The following POLR1F variants were observed in gnomAD, a reference collection of about 807,000 sequenced individuals.
The protein encoded by POLR1F is DNA-directed RNA polymerase I subunit RPA43.
Under a neutral mutation model 21.8 loss-of-function variants are expected in POLR1F, and 23 were observed. The observed-to-expected ratio is 1.05, with a 90% CI of 0.76 to 1.49. The LOEUF (loss-of-function observed/expected upper bound fraction) is 1.49. Ranked by LOEUF, POLR1F falls within the 40% of genes most tolerant of loss-of-function variation. The pLI, the probability that POLR1F is intolerant of heterozygous loss-of-function variation, is 0.00. For missense variants in POLR1F, 435 were observed against 412.1 expected, an observed-to-expected ratio of 1.06 and a Z score of -0.48; for synonymous variants, 162 against 152.8, an observed-to-expected ratio of 1.06 and a Z score of -0.45.
At chr7:19,708,612 G>A in intron 1 of POLR1F, 151 bp downstream of exon 1, 2 of 1,052,326 alleles carry the variant, frequency 1.9e-6, no homozygotes, top group Non-Finnish European at 2.8e-6. Context: ...TACTGGCCTT[G>A]AGGGACGGAT....
In POLR1F at chr7:19,697,406, A is replaced by C. The variant is rs1403283250; in HGVS notation, c.*910T>G. 1 of 152,146 alleles carries C rather than the reference A, an allele frequency of 6.6e-6. No individual in the cohort carries two copies. The highest frequency in any genetic ancestry group is 2.4e-5 in the African/African-American group (1 of 41,450). The allele number at this position is 152,146 out of a possible 1,614,324, so 9.4% of individuals were successfully genotyped here. A position where few individuals can be genotyped will look rare whatever the true frequency, so the allele number is the denominator to read the frequency against. The stretch of plus-strand genomic sequence containing the variant: ...TGGCCATGCATTGATTACCAGCTTC[A>C]ACCAGCTTGTCATTTCATTACACTT... On this transcript the variant is annotated 3_prime_UTR_variant, in exon 4 of 4. Coordinates refer to ENST00000222567, the MANE Select transcript of POLR1F (RefSeq NM_001002926.2).
intron 1 of POLR1F, among the ~76,000 whole-genome samples, chr7:19,707,702 CTTTACTA>C (rs1299707164): frequency 6.6e-6 from 1 of 152,172 alleles, no homozygotes; most frequent in Non-Finnish European, 1.5e-5. Context: ...AATTTTAACA[CTTTACTA>C]TTTATTGGCT....
At chr7:19,705,137 C>G (rs1167187210) in intron 1 of POLR1F, among the ~76,000 whole-genome samples, 13 of 152,056 alleles carry the variant, frequency 8.5e-5, no homozygotes, top group Admixed American at 7.2e-4. Flanking sequence ...TCAAACCAGG[C>G]CATTTTCATA....
At chr7:19,698,960 ATTCT>A (rs999697922) in intron 3 of POLR1F, among the ~76,000 whole-genome samples, 2 of 152,124 alleles carry the variant, frequency 1.3e-5, no homozygotes, top group South Asian at 2.1e-4. Context: ...TAAATGTTAA[ATTCT>A]TTCTTTATGA....
At chr7:19,705,745 T>C (rs965092179) in intron 1 of POLR1F, among the ~76,000 whole-genome samples, 6 of 152,194 alleles carry the variant, frequency 3.9e-5, no homozygotes, top group Non-Finnish European at 7.3e-5. Context: ...TAAGGAATTA[T>C]AACTATTAAG....
intron 1 of POLR1F, among the ~76,000 whole-genome samples, chr7:19,708,178 AAAC>A (rs1167262734): frequency 1.3e-5 from 2 of 152,154 alleles, no homozygotes; most frequent in African/African-American, 2.4e-5. Context: ...ATCTTCTTAA[AAAC>A]AACAAAATCC....
At chr7:19,705,435 G>T (rs562824895) in intron 1 of POLR1F, 1 of 153,782 alleles carries the variant, frequency 6.5e-6, no homozygotes, top group Non-Finnish European at 1.5e-5. Context: ...AAGGGACTTA[G>T]CAAAGAAAAT....
chr7:19,704,153 TTATC>T (rs1270912953), intron 2 of POLR1F, among the ~76,000 whole-genome samples: 1 of 152,156 alleles, frequency 6.6e-6, no homozygotes, highest in Non-Finnish European at 1.5e-5. Flanking sequence ...ATTAAAATAT[TTATC>T]AGCTAAGGAA....
chr7:19,698,487 TTTCTTC>T lies in POLR1F; in HGVS notation c.840_845del (p.Lys282_Lys283del). 6.2e-7 allele frequency: 1 copy of T among 1,611,446 alleles called. No individual in the cohort carries two copies. The highest frequency in any genetic ancestry group is 1.1e-5 in the South Asian group (1 of 90,458). On this transcript the variant is annotated inframe_deletion, in exon 4 of 4. Coordinates refer to ENST00000222567, the MANE Select transcript of POLR1F (RefSeq NM_001002926.2). ...CCTGGTCCTGAACTTCCTGGTGCTT[TTTCTTC>T]TTCTTCTTTTTCTTTGGCTCCTCCT...
Position 19,698,448 on chromosome 7 carries a change from T to C in POLR1F, c.885A>G (p.Gln295=), listed in dbSNP as rs866430732. The C allele has an allele frequency of 1.1e-5, 17 of 1,613,200 alleles. 3 individuals are homozygous for C. The Middle Eastern group carries it at 2.6e-3, about 251-fold the overall frequency. The change falls in exon 4 of 4, where the codon CAA becomes CAG. Residue 295 remains glutamine (Q), a synonymous_variant. Transcript: ENST00000222567. ...QEVQDQDPVF[Q]GSDSSGYQSD... ...TTTGGTAACCACTGGAGTCACTGCC[T>C]TGGAAAACAGGGTCCTGGTCCTGAA...
At chr7:19,706,625 C>G (rs1213127366) in intron 1 of POLR1F, among the ~76,000 whole-genome samples, 1 of 152,188 alleles carries the variant, frequency 6.6e-6, no homozygotes, top group Non-Finnish European at 1.5e-5. Context: ...AATAGCTAGG[C>G]ACCTAATTTA....
In POLR1F at chr7:19,704,920, G is replaced by C. The variant is rs1783499123; in HGVS notation, c.255C>G (p.Ser85Arg). The change falls in exon 2 of 4, where the codon AGC (serine) becomes AGG (arginine). Residue 85 changes from serine (S) to arginine (R), a missense_variant and splice_region_variant. Coordinates refer to ENST00000222567, the MANE Select transcript of POLR1F (RefSeq NM_001002926.2). ...CATATGCAATAGGGACACCTAAAAG[G>C]CTGTAAAAAGAAAAAGTTGAAAATG... ...LDAELLRYSE[S>R]LLGVPIAYDN... The C allele has an allele frequency of 6.4e-7, 1 of 1,556,980 alleles. No individual in the cohort carries two copies. The highest frequency in any genetic ancestry group is 8.6e-7 in the Non-Finnish European group (1 of 1,161,942).
chr7:19,704,959 T>C (rs778800704), intron 1 of POLR1F, 39 bp from the exon 2 acceptor site: 3 of 1,539,502 alleles, frequency 1.9e-6, no homozygotes, highest in Non-Finnish European at 1.7e-6. Context: ...CCTTTTATCG[T>C]CTTTTATTTA....
chr7:19,707,314 C>T (rs962481857), intron 1 of POLR1F, among the ~76,000 whole-genome samples: 2 of 152,042 alleles, frequency 1.3e-5, no homozygotes, highest in East Asian at 1.9e-4. Context: ...ACTGAGAGGA[C>T]GGAGCACTAA....
chr7:19,707,076 G>A (rs1583403826), intron 1 of POLR1F, among the ~76,000 whole-genome samples: 1 of 152,280 alleles, frequency 6.6e-6, no homozygotes, highest in Admixed American at 6.5e-5. Flanking sequence ...GTTTCCAAAT[G>A]TTATGACTAC....
chr7:19,708,044 G>GC (rs1583404211), intron 1 of POLR1F, among the ~76,000 whole-genome samples: 1 of 151,642 alleles, frequency 6.6e-6, no homozygotes, highest in Non-Finnish European at 1.5e-5. Context: ...ACATGCCCGC[G>GC]CCCCCCGCCC....
Position 19,698,546 on chromosome 7 carries a change from T to C in POLR1F, c.787A>G (p.Asn263Asp). 1 of 1,609,252 alleles carries C rather than the reference T, an allele frequency of 6.2e-7. No individual in the cohort carries two copies. The highest frequency in any genetic ancestry group is 1.3e-5 in the African/African-American group (1 of 74,502). Residue 263 changes from asparagine to aspartate, a missense_variant, in exon 4 of 4, where the codon AAT (asparagine) becomes GAT (aspartate). Asn to Asp is a conservative substitution (Grantham distance 23, BLOSUM62 1). Transcript: ENST00000222567. ...CAGATGCCATTCGCATTATTAGTAT[T>C]CTGCAGGGCTGACTCTTCCATTGGA... ...DTPMEESALQ[N>D]TNNANGIWEE... is the part of the protein sequence containing the mutation.
rs574906117 is a variant in POLR1F at position 19,705,701 on chromosome 7, AC to A, written c.255-782del. ...CAAATGTAACAGTCATGATTAAGGG[AC>A]AACTATTTTTCAAACTGTTATTTCT... On this transcript the variant is annotated intron_variant, in intron 1 of 3. Coordinates refer to ENST00000222567, the MANE Select transcript of POLR1F (RefSeq NM_001002926.2). 2.9e-4 allele frequency among the ~76,000 whole-genome samples: 44 copies of A among 152,330 alleles called. 1 individual carries two copies. The highest frequency in any genetic ancestry group is 1.0e-3 in the African/African-American group (43 of 41,584).
chr7:19,704,534 TCTG>T lies in POLR1F; in HGVS notation c.396+242_396+244del, dbSNP rs1357056402. The stretch of plus-strand genomic sequence containing the variant: ...TTGATTTTTTTGCCCTTAAAATCAT[TCTG>T]CTACTATGAAAAGAATAAAGTGGAT... On this transcript the variant is annotated intron_variant, in intron 2 of 3. Transcript: ENST00000222567. 2.0e-5 allele frequency among the ~76,000 whole-genome samples: 3 copies of T among 152,206 alleles called. 1 individual carries two copies. The East Asian group carries it at 5.8e-4, about 29-fold the overall frequency.
Sources: allele counts gnomAD v4.1 joint callset (sites outside exome capture counted in the v4.1 genomes callset), GRCh38; gene constraint gnomAD v4.1.1; transcripts MANE v1.5; gene names NCBI Gene and HGNC (gene_info 2026-07-23, HGNC 2026-07-21).